RASSF3: variants seen among roughly 807,000 people sequenced by gnomAD.
RASSF3 encodes ras association domain-containing protein 3.
RASSF3 carries 19 observed loss-of-function variants against 19.9 expected under a neutral mutation model. The observed-to-expected ratio is 0.96, with a 90% CI of 0.67 to 1.40. The LOEUF (loss-of-function observed/expected upper bound fraction) is 1.40. Among genes scored for constraint, RASSF3 ranks in the 40% most tolerant of loss-of-function variants. The pLI, the probability that RASSF3 is intolerant of heterozygous loss-of-function variation, is 0.00. For synonymous variants in RASSF3, 110 were observed against 104.2 expected, an observed-to-expected ratio of 1.06 and a Z score of -0.34; for missense variants, 306 against 289.8, an observed-to-expected ratio of 1.06 and a Z score of -0.41.
upstream of RASSF3, among the ~76,000 whole-genome samples, chr12:64,530,573 CTT>C (rs139325259): frequency 5.4e-3 from 826 of 152,274 alleles, 4 homozygotes; most frequent in African/African-American, 0.019. Context: ...TTTCCATTCT[CTT>C]GGTTAAATAT....
chr12:64,658,395 C>T (rs1180754248), intron 1 of RASSF3, among the ~76,000 whole-genome samples: 3 of 152,118 alleles, frequency 2.0e-5, no homozygotes, highest in Non-Finnish European at 4.4e-5. Flanking sequence ...TAGTCAAGGC[C>T]TTAAGGAATT....
intron 3 of RASSF3, among the ~76,000 whole-genome samples, chr12:64,689,889 G>A (rs368994044): frequency 7.0e-6 from 1 of 141,908 alleles, no homozygotes; most frequent in Non-Finnish European, 1.5e-5. Context: ...CCGGGTTCAC[G>A]CCATTCTCCT....
At chr12:64,512,667 A>G (rs961628939) in intron 1 of RASSF3, among the ~76,000 whole-genome samples, 1 of 152,206 alleles carries the variant, frequency 6.6e-6, no homozygotes. Context: ...AAAAAAAATC[A>G]ATAGTTATTA....
chr12:64,519,384 G>T (rs550567710), intron 1 of RASSF3, among the ~76,000 whole-genome samples: 7 of 152,132 alleles, frequency 4.6e-5, no homozygotes, highest in Non-Finnish European at 8.8e-5. Flanking sequence ...TCCAGCCTGG[G>T]TGACAGAGCA....
intron 1 of RASSF3, among the ~76,000 whole-genome samples, chr12:64,652,343 A>AT (rs1871987938): frequency 6.6e-6 from 1 of 152,066 alleles, no homozygotes; most frequent in African/African-American, 2.4e-5. Flanking sequence ...CTTCATGGCC[A>AT]TCGCAGGTGT....
rs1253336838 is a variant in RASSF3, at chr12:64,610,554, C to T, written c.-79C>T. 2.8e-5 allele frequency: 18 copies of T among 640,620 alleles called. No individual in the cohort carries two copies. The highest frequency in any genetic ancestry group is 3.3e-5 in the Non-Finnish European group (15 of 452,586). The allele number at this position is 640,620 out of a possible 1,614,324, so 39.7% of individuals were successfully genotyped here. On this transcript the variant is annotated 5_prime_UTR_variant, in exon 1 of 5. Transcript: ENST00000542104. ...CCGGGGCTGCGCGCCGGGAACCTCG[C>T]GGGGCTGGCGGGCGCCGCACCCCCT... is the stretch of plus-strand genomic sequence containing the variant.
At chr12:64,583,813 C>T (rs886780536) in intron 2 of RASSF3, among the ~76,000 whole-genome samples, 14 of 152,208 alleles carry the variant, frequency 9.2e-5, no homozygotes, top group Admixed American at 6.5e-5. Flanking sequence ...CCTCCAATCA[C>T]GTCCACTTCC....
intron 1 of RASSF3, among the ~76,000 whole-genome samples, chr12:64,626,350 A>G (rs1334576618): frequency 1.3e-5 from 2 of 151,990 alleles, no homozygotes; most frequent in Non-Finnish European, 2.9e-5. Flanking sequence ...ACCTGGGCCA[A>G]CATGGTGAAA....
At chr12:64,694,708 T>C in intron 4 of RASSF3, 55 bp from the exon 5 acceptor site, 1 of 1,599,854 alleles carries the variant, frequency 6.3e-7, no homozygotes, top group Non-Finnish European at 8.5e-7. Context: ...TCAGCATTCC[T>C]AAGTCTAACT....
At chr12:64,575,603 T>C (rs1044975694) in intron 2 of RASSF3, 5 of 152,184 alleles carry the variant, frequency 3.3e-5, no homozygotes, top group African/African-American at 1.2e-4. Context: ...TGAAAGATTT[T>C]CAACATCTCC....
chr12:64,535,093 AGG>A (rs2136111766), intron 1 of RASSF3, among the ~76,000 whole-genome samples: 3 of 151,982 alleles, frequency 2.0e-5, no homozygotes, highest in Non-Finnish European at 4.4e-5. Context: ...GAAAAAAAAA[AGG>A]AAAGTACCTT....
At chr12:64,597,689 C>G (rs1297502284) in intron 2 of RASSF3, among the ~76,000 whole-genome samples, 1 of 152,024 alleles carries the variant, frequency 6.6e-6, no homozygotes, top group African/African-American at 2.4e-5. Flanking sequence ...AACTCCTGAC[C>G]TCAGGTGATC....
At chr12:64,649,804 A>T (rs1367714095) in intron 1 of RASSF3, among the ~76,000 whole-genome samples, 1 of 152,238 alleles carries the variant, frequency 6.6e-6, no homozygotes, top group Non-Finnish European at 1.5e-5. Context: ...GAAATAAACT[A>T]AACGGTCTCC....
chr12:64,633,665 C>T (rs189222873), intron 1 of RASSF3, among the ~76,000 whole-genome samples: 80 of 152,194 alleles, frequency 5.3e-4, no homozygotes, highest in Admixed American at 3.5e-3. Context: ...AAGACAAACA[C>T]AGAAAATTGG....
chr12:64,530,990 G>C (rs1196648397), upstream of RASSF3, among the ~76,000 whole-genome samples: 1 of 152,002 alleles, frequency 6.6e-6, no homozygotes, highest in Non-Finnish European at 1.5e-5. Flanking sequence ...TTTACTTTCA[G>C]TCTCTCGTCT....
chr12:64,644,751 T>C lies in RASSF3; in HGVS notation c.111+34008T>C, dbSNP rs73321725. On this transcript the variant is annotated intron_variant, in intron 1 of 4. Coordinates refer to ENST00000542104, the MANE Select transcript of RASSF3 (RefSeq NM_178169.4). ...ATAATGTATATGTATATGTGTGGTT[T>C]TCCTGTCAATTTTTAAGTAGAATGT... 3.8e-3 allele frequency among the ~76,000 whole-genome samples: 561 copies of C among 148,562 alleles called. 6 individuals are homozygous for C. Among genetic ancestry groups the C allele is most frequent in the African/African-American group, 0.013 (546 of 40,670 alleles).
At chr12:64,630,313 C>T (rs1052280895) in intron 1 of RASSF3, among the ~76,000 whole-genome samples, 3 of 152,056 alleles carry the variant, frequency 2.0e-5, no homozygotes, top group African/African-American at 7.2e-5. Flanking sequence ...ATTGTTTAAG[C>T]CCAGGAGTTT....
At chr12:64,557,518 G>T (rs1869274599) in intron 2 of RASSF3, among the ~76,000 whole-genome samples, 1 of 152,096 alleles carries the variant, frequency 6.6e-6, no homozygotes, top group South Asian at 2.1e-4. Flanking sequence ...AGTGTTCCCT[G>T]GCAAAAGTGT....
chr12:64,639,920 G>C lies in RASSF3; in HGVS notation c.111+29177G>C, dbSNP rs181829112. The stretch of plus-strand genomic sequence containing the variant: ...CTGTGATGTGTCGTTATATTGCAGA[G>C]ATCTTTTGAGGAAATGCAACGTGAA... On this transcript the variant is annotated intron_variant, in intron 1 of 4. Coordinates refer to ENST00000542104, the MANE Select transcript of RASSF3 (RefSeq NM_178169.4). Among the ~76,000 whole-genome samples, 519 of 152,308 alleles carry C rather than the reference G, an allele frequency of 3.4e-3. 5 individuals are homozygous for C. The highest frequency in any genetic ancestry group is 3.5e-3 in the Non-Finnish European group (236 of 68,026).
Sources: gnomAD v4.1 joint callset for allele counts (sites outside exome capture counted in the v4.1 genomes callset) on GRCh38, gnomAD v4.1.1 for gene constraint, MANE v1.5 for transcripts, NCBI Gene and HGNC (gene_info 2026-07-23, HGNC 2026-07-21) for gene names.